Variants in TYW1 observed in about 807,000 individuals in gnomAD.
TYW1 encodes S-adenosyl-L-methionine-dependent tRNA 4-demethylwyosine synthase TYW1.
TYW1 carries 46 observed loss-of-function variants against 96.2 expected under a neutral mutation model. The ratio of observed to expected loss-of-function variants is 0.48; its 90% confidence interval spans 0.38 to 0.61. The LOEUF (loss-of-function observed/expected upper bound fraction) is 0.61, where lower values mean the gene tolerates loss of function less well. TYW1 is among the 20% of genes least tolerant of loss of function. TYW1 has a pLI of 0.00. For missense variants in TYW1, 684 were observed against 909.6 expected (o/e 0.75, Z 3.19); for synonymous variants, 274 against 323.0 (o/e 0.85, Z 1.63).
chr7:67,105,663 GC>G (rs981957251), intron 12 of TYW1, among the ~76,000 whole-genome samples: 1 of 152,138 alleles, frequency 6.6e-6, no homozygotes, highest in Admixed American at 6.6e-5. Context: ...AGTGTCATCT[GC>G]CACTTGTCAG....
chr7:67,000,953 A>G (rs1178468062), intron 3 of TYW1, among the ~76,000 whole-genome samples: 1 of 152,056 alleles, frequency 6.6e-6, no homozygotes, highest in Non-Finnish European at 1.5e-5. Flanking sequence ...TCAGTTGTTA[A>G]GTTAAACCTT....
At chr7:67,043,614 T>A (rs1795096527) in intron 7 of TYW1, among the ~76,000 whole-genome samples, 1 of 152,174 alleles carries the variant, frequency 6.6e-6, no homozygotes, top group Admixed American at 6.6e-5. Context: ...GTTTCAGAAT[T>A]ATTTTTAAGG....
At chr7:67,149,756 ATCTATCTATCTATCTATCTC>A (rs1400531516) in intron 13 of TYW1, among the ~76,000 whole-genome samples, 1 of 84,310 alleles carries the variant, frequency 1.2e-5, no homozygotes, top group East Asian at 2.2e-4. Context: ...CTATCTATCT[ATCTATCTATCTATCTATCTC>A]TCTATGTTAA....
intron 12 of TYW1, among the ~76,000 whole-genome samples, chr7:67,111,317 C>T (rs1390055032): frequency 3.9e-5 from 6 of 152,100 alleles, no homozygotes; most frequent in African/African-American, 1.4e-4. Flanking sequence ...AATTCTCCTG[C>T]CTCAGCCTCC....
chr7:67,161,249 A>G (rs536265756), intron 13 of TYW1, among the ~76,000 whole-genome samples: 1 of 152,302 alleles, frequency 6.6e-6, no homozygotes, highest in South Asian at 2.1e-4. Flanking sequence ...TTTTAGAATC[A>G]GGTTTTGTTT....
chr7:67,184,124 G>A (rs1799927324), intron 14 of TYW1, among the ~76,000 whole-genome samples: 2 of 152,108 alleles, frequency 1.3e-5, no homozygotes, highest in South Asian at 2.1e-4. Context: ...CGGCTGATGT[G>A]TATTCTTTTG....
chr7:67,131,755 A>G (rs1798080228), intron 13 of TYW1, among the ~76,000 whole-genome samples: 1 of 152,196 alleles, frequency 6.6e-6, no homozygotes. Flanking sequence ...GAAGTAGGGA[A>G]GCTGACAGTG....
At chr7:67,086,797 A>G (rs956368942) in intron 11 of TYW1, among the ~76,000 whole-genome samples, 9 of 152,218 alleles carry the variant, frequency 5.9e-5, no homozygotes, top group African/African-American at 2.2e-4. Flanking sequence ...ATCCAGAATA[A>G]TGGCTGAACA....
chr7:67,057,323 T>A (rs1219939499), intron 9 of TYW1, among the ~76,000 whole-genome samples: 1 of 151,406 alleles, frequency 6.6e-6, no homozygotes, highest in Non-Finnish European at 1.5e-5. Context: ...CTCATTGTGG[T>A]TTTAATTTAC....
intron 13 of TYW1, among the ~76,000 whole-genome samples, chr7:67,132,131 A>G (rs1369701783): frequency 7.0e-6 from 1 of 143,508 alleles, no homozygotes; most frequent in Non-Finnish European, 1.5e-5. Context: ...TAACCATCAC[A>G]CAGGGTCTTG....
intron 11 of TYW1, among the ~76,000 whole-genome samples, chr7:67,096,331 A>C (rs1465017315): frequency 6.6e-6 from 1 of 152,192 alleles, no homozygotes; most frequent in Non-Finnish European, 1.5e-5. Flanking sequence ...TGGAGCTTGC[A>C]GTGAGCTATT....
intron 15 of TYW1, among the ~76,000 whole-genome samples, chr7:67,195,990 A>G (rs1191973448): frequency 6.6e-6 from 1 of 151,898 alleles, no homozygotes; most frequent in Non-Finnish European, 1.5e-5. Context: ...CTTTCTCATT[A>G]TATGTTCTCC....
At chr7:67,032,888 T>TG (rs1178333354) in intron 7 of TYW1, among the ~76,000 whole-genome samples, 17 of 66,190 alleles carry the variant, frequency 2.6e-4, no homozygotes, top group South Asian at 1.7e-3. Flanking sequence ...AGTATACCTT[T>TG]TTTTTTTTTT....
At chr7:67,182,225 G>A (rs1361167402) in intron 13 of TYW1, among the ~76,000 whole-genome samples, 1 of 152,202 alleles carries the variant, frequency 6.6e-6, no homozygotes, top group Non-Finnish European at 1.5e-5. Context: ...CAAAGTCAGA[G>A]TGTAAGCTTT....
intron 13 of TYW1, among the ~76,000 whole-genome samples, chr7:67,130,534 A>G (rs1798037208): frequency 6.8e-6 from 1 of 147,476 alleles, no homozygotes; most frequent in African/African-American, 2.5e-5. Flanking sequence ...TTAGCTGAGC[A>G]TGGTGGTGGG....
At chr7:67,112,127 A>AAAAAT (rs1797435948) in intron 12 of TYW1, among the ~76,000 whole-genome samples, 1 of 147,380 alleles carries the variant, frequency 6.8e-6, no homozygotes, top group Non-Finnish European at 1.5e-5. Context: ...AAAAAAAGAA[A>AAAAAT]GTGCAAAAGC....
intron 13 of TYW1, among the ~76,000 whole-genome samples, chr7:67,119,151 T>C (rs1236665905): frequency 6.6e-6 from 1 of 152,004 alleles, no homozygotes; most frequent in Non-Finnish European, 1.5e-5. Context: ...GCTTCCTTTC[T>C]GTCACTTTTC....
At position 67,239,273 on chromosome 7, in the gene TYW1, A is replaced by AGAG. The variant is rs1801988075; in HGVS notation, c.*747_*749dup. ...GTCTCACAAACACACTTTGGACTGA[A>AGAG]GAGGATCATTTCTTTTTGTTCGTGA... is the stretch of plus-strand genomic sequence containing the variant. On this transcript the variant is annotated 3_prime_UTR_variant, in exon 16 of 16. Transcript: ENST00000359626. 1.0e-6 allele frequency: 1 copy of AGAG among 985,332 alleles called. No individual in the cohort carries two copies. Among genetic ancestry groups the AGAG allele is most frequent in the Non-Finnish European group, 1.2e-6 (1 of 829,974 alleles). The allele number at this position is 985,332 out of a possible 1,614,324, so 61.0% of individuals were successfully genotyped here.
intron 7 of TYW1, among the ~76,000 whole-genome samples, chr7:67,041,594 C>T (rs117920565): frequency 0.062 from 9,468 of 152,260 alleles, 407 homozygotes; most frequent in Non-Finnish European, 0.076. Flanking sequence ...GCCACTGAGC[C>T]TGGCTTTTTC....
Sources: gnomAD v4.1 joint callset for allele counts (sites outside exome capture counted in the v4.1 genomes callset) on GRCh38, gnomAD v4.1.1 for gene constraint, MANE v1.5 for transcripts, NCBI Gene and HGNC (gene_info 2026-07-23, HGNC 2026-07-21) for gene names.